The following SCRG1 variants were observed in gnomAD, a reference collection of about 807,000 sequenced individuals.
SCRG1 encodes stimulator of chondrogenesis 1.
A neutral mutation model predicts 7.7 loss-of-function variants in SCRG1; 3 were observed. The observed-to-expected ratio is 0.39, with a 90% confidence interval of 0.18 to 1.01. The LOEUF (loss-of-function observed/expected upper bound fraction) is 1.01, where lower values mean the gene tolerates loss of function less well. SCRG1 is among the 50% of genes least tolerant of loss of function. The pLI, the probability that SCRG1 is intolerant of heterozygous loss-of-function variation, is 0.36. For synonymous variants in SCRG1, 46 were observed against 41.2 expected (o/e 1.12, Z -0.44); for missense variants, 110 against 117.2 (o/e 0.94, Z 0.28).
At chr4:173,483,185 ATATATGATATATATTATATGATATAT>A in the SCRG1 span, among the ~76,000 whole-genome samples, 1 of 114,290 alleles carries the variant, frequency 8.7e-6, no homozygotes, top group South Asian at 2.8e-4. Context: ...ATAATATATT[ATATATGATATATATTATATGATATAT>A]CATATAATAT....
the SCRG1 span, among the ~76,000 whole-genome samples, chr4:173,483,242 G>GATCATATATT: frequency 3.6e-5 from 2 of 55,946 alleles, no homozygotes; most frequent in Non-Finnish European, 5.9e-5. Context: ...TATAATATAT[G>GATCATATATT]ATATATCATA....
At chr4:173,489,172 T>C in the SCRG1 span, among the ~76,000 whole-genome samples, 1 of 152,208 alleles carries the variant, frequency 6.6e-6, no homozygotes, top group African/African-American at 2.4e-5. Flanking sequence ...AATAGATTCA[T>C]GCATAAGTGT....
At chr4:173,453,730 C>T in the SCRG1 span, among the ~76,000 whole-genome samples, 4 of 152,140 alleles carry the variant, frequency 2.6e-5, no homozygotes, top group African/African-American at 7.2e-5. Flanking sequence ...ATGTATGCCA[C>T]GTGCTACACA....
chr4:173,440,877 A>G, the SCRG1 span, among the ~76,000 whole-genome samples: 3 of 152,122 alleles, frequency 2.0e-5, no homozygotes, highest in Non-Finnish European at 4.4e-5. Context: ...TCATCTTCAT[A>G]TGGCTTTCTC....
the SCRG1 span, among the ~76,000 whole-genome samples, chr4:173,500,515 CG>C: frequency 6.6e-6 from 1 of 151,402 alleles, no homozygotes; most frequent in Non-Finnish European, 1.5e-5. Context: ...TCTCAAGGCG[CG>C]TTGCTGAAGC....
the SCRG1 span, among the ~76,000 whole-genome samples, chr4:173,482,626 G>C: frequency 6.6e-6 from 1 of 151,812 alleles, no homozygotes; most frequent in South Asian, 2.1e-4. Context: ...GAGACCAGCC[G>C]TGGCAACAAA....
At chr4:173,405,129 G>A in intron 1 of SCRG1, among the ~76,000 whole-genome samples, 1 of 152,140 alleles carries the variant, frequency 6.6e-6, no homozygotes, top group Non-Finnish European at 1.5e-5. Flanking sequence ...ACATTTAGTT[G>A]TAGTGTCTCT....
At chr4:173,392,185 A>G (rs896435783) in intron 1 of SCRG1, among the ~76,000 whole-genome samples, 6 of 152,218 alleles carry the variant, frequency 3.9e-5, no homozygotes, top group Non-Finnish European at 5.9e-5. Flanking sequence ...TTATGTTGAT[A>G]GTGACAGATG....
chr4:173,443,821 A>T, the SCRG1 span, among the ~76,000 whole-genome samples: 1 of 152,054 alleles, frequency 6.6e-6, no homozygotes, highest in South Asian at 2.1e-4. Context: ...TTGCGTCACT[A>T]TACTTGGATT....
At chr4:173,499,822 A>G in the SCRG1 span, among the ~76,000 whole-genome samples, 1 of 152,220 alleles carries the variant, frequency 6.6e-6, no homozygotes. The surrounding 1 kb of genome is among the most constrained non-coding windows in gnomAD (Gnocchi z 4.1). Context: ...GCAGGGATCG[A>G]AAGAAAGGAA....
upstream of SCRG1, among the ~76,000 whole-genome samples, chr4:173,402,012 A>G (rs1739773898): frequency 6.6e-6 from 1 of 152,126 alleles, no homozygotes; most frequent in Non-Finnish European, 1.5e-5. Flanking sequence ...TTTCCTGTAA[A>G]TGGAGCCTTA....
chr4:173,390,842 G>A (rs1029457557), intron 2 of SCRG1, among the ~76,000 whole-genome samples: 35 of 152,130 alleles, frequency 2.3e-4, no homozygotes, highest in African/African-American at 8.4e-4. Flanking sequence ...TGGTTTAAGA[G>A]TTCAACCTTG....
chr4:173,443,553 T>A, the SCRG1 span, among the ~76,000 whole-genome samples: 9 of 152,330 alleles, frequency 5.9e-5, no homozygotes, highest in African/African-American at 1.9e-4. Context: ...AGAATTTGTA[T>A]ACTTTGAAAA....
the SCRG1 span, among the ~76,000 whole-genome samples, chr4:173,484,048 A>C: frequency 4.5e-5 from 4 of 88,138 alleles, no homozygotes; most frequent in African/African-American, 2.0e-4. Context: ...AATTATAAAT[A>C]TAATATACAT....
chr4:173,492,465 C>A, the SCRG1 span, among the ~76,000 whole-genome samples: 1 of 152,090 alleles, frequency 6.6e-6, no homozygotes, highest in Non-Finnish European at 1.5e-5. Context: ...CTACTCCATG[C>A]CCACACTAAT....
At chr4:173,450,898 C>T in the SCRG1 span, among the ~76,000 whole-genome samples, 12 of 152,008 alleles carry the variant, frequency 7.9e-5, no homozygotes, top group African/African-American at 2.2e-4. Flanking sequence ...AGGGCATCCA[C>T]GAGCAGCAAA....
chr4:173,392,863 G>A (rs962905457), intron 1 of SCRG1, among the ~76,000 whole-genome samples: 17 of 152,140 alleles, frequency 1.1e-4, no homozygotes, highest in African/African-American at 3.1e-4. Flanking sequence ...GGCCAAACCC[G>A]GCAGATCACC....
the SCRG1 span, among the ~76,000 whole-genome samples, chr4:173,440,421 T>C: frequency 6.6e-6 from 1 of 152,256 alleles, no homozygotes; most frequent in Non-Finnish European, 1.5e-5. Flanking sequence ...ATTTGAATTT[T>C]GTTGGACATT....
chr4:173,484,457 TATATACATATA>T, the SCRG1 span, among the ~76,000 whole-genome samples: 1 of 19,736 alleles, frequency 5.1e-5, no homozygotes, highest in African/African-American at 1.4e-4. Flanking sequence ...TAATATATAT[TATATACATATA>T]ATATATAATA....
Sources: gnomAD v4.1 joint callset for allele counts (sites outside exome capture counted in the v4.1 genomes callset) on GRCh38, gnomAD v4.1.1 for gene constraint, Gnocchi (gnomAD v3.1) non-coding constraint, MANE v1.5 for transcripts, NCBI Gene and HGNC (gene_info 2026-07-23, HGNC 2026-07-21) for gene names.